Variants in OR2H1 observed in about 807,000 individuals in gnomAD.
OR2H1 encodes olfactory receptor family 2 subfamily H member 1, also known as olfactory receptor 2H1.
For synonymous variants in OR2H1, 155 were observed against 155.2 expected, an observed-to-expected ratio of 1.00 and a Z score of 0.01; for missense variants, 380 against 367.3, an observed-to-expected ratio of 1.03 and a Z score of -0.28.
intron 2 of OR2H1, among the ~76,000 whole-genome samples, chr6:29,458,987 A>T (rs750650195): frequency 1.3e-5 from 2 of 151,980 alleles, no homozygotes; most frequent in East Asian, 3.9e-4. Flanking sequence ...GTGCTTGCCT[A>T]TTATTGGTGT....
At chr6:29,457,475 A>T (rs192325931) in intron 1 of OR2H1, among the ~76,000 whole-genome samples, 233 of 152,352 alleles carry the variant, frequency 1.5e-3, no homozygotes, top group African/African-American at 5.4e-3. Context: ...TTTTATGTGA[A>T]GTTCTGGAAA....
Position 29,462,792 on chromosome 6 carries a change from C to A in OR2H1, c.*72C>A. 1 of 1,073,602 alleles carries A rather than the reference C, an allele frequency of 9.3e-7. No individual in the cohort carries two copies. The highest frequency in any genetic ancestry group is 1.4e-6 in the Non-Finnish European group (1 of 738,004). 66.5% of individuals were successfully genotyped at this position (1,073,602 alleles called of 1,614,324 possible). On this transcript the variant is annotated 3_prime_UTR_variant, in exon 4 of 4. Coordinates refer to ENST00000377133, the MANE Select transcript of OR2H1 (RefSeq NM_030883.5). Reference sequence around the variant, plus strand: ...TTAAGTTTTCCAGACTACTACCCTTCCCACATACACCTGAGCCACTGTGGT... The same window carrying A: ...TTAAGTTTTCCAGACTACTACCCTTACCACATACACCTGAGCCACTGTGGT...
At position 29,461,829 on chromosome 6, in the gene OR2H1, A is replaced by G. The variant is rs1428008746; in HGVS notation, c.60A>G (p.Ala20=). Residue 20 remains alanine (A), a synonymous_variant, in exon 4 of 4, where the codon GCA becomes GCG. Transcript: ENST00000377133. ...TTCTGGGCTTCTCTGAACACCCAGC[A>G]CTGGAAAGGACTCTCTTTGTGGTTG... ...FLLLGFSEHP[A]LERTLFVVVF... 5 of 1,613,020 alleles carry G rather than the reference A, an allele frequency of 3.1e-6. No homozygotes were observed. In the South Asian group the frequency reaches 3.3e-5, roughly 11 times the overall value.
At chr6:29,458,015 G>A (rs539628807) in intron 1 of OR2H1, among the ~76,000 whole-genome samples, 12 of 152,278 alleles carry the variant, frequency 7.9e-5, no homozygotes, top group Non-Finnish European at 1.5e-4. Context: ...TGGGAGTCTT[G>A]GGATTCCTCC....
At chr6:29,460,372 A>ATTTTTTTTTTTTTTTTT (rs10651941) in intron 2 of OR2H1, 32 bp from the exon 3 acceptor site, 1 of 81,210 alleles carries the variant, frequency 1.2e-5, no homozygotes, top group African/African-American at 5.3e-5. Flanking sequence ...CACCCCGCTA[A>ATTTTTTTTTTTTTTTTT]TTTTTTTTTT....
rs1461237543 is a variant in OR2H1 at position 29,463,948 on chromosome 6, A to G, written c.*1228A>G. On this transcript the variant is annotated 3_prime_UTR_variant, in exon 4 of 4. Transcript: ENST00000377133. ...GACCTAATCACTGCCCAAAGGCCCC[A>G]TGTTCTAATGCCATCATCTTGGTGG... is the stretch of plus-strand genomic sequence containing the variant. 3 of 166,214 alleles carry G rather than the reference A, an allele frequency of 1.8e-5. No homozygotes were observed. Among genetic ancestry groups the G allele is most frequent in the Non-Finnish European group, 4.4e-5 (3 of 68,114 alleles). The allele number at this position is 166,214 out of a possible 1,614,324, so 10.3% of individuals were successfully genotyped here.
rs577065653 is a variant in OR2H1 at position 29,462,609 on chromosome 6, T to C, written c.840T>C (p.Thr280=). ...TTGGTCTCTTCTATGCAGTGGGCAC[T>C]CCTTCACTTAACCCTCTCGTATACA... ...KFFGLFYAVG[T]PSLNPLVYTL... Residue 280 remains threonine (T), a synonymous_variant, in exon 4 of 4, where the codon ACT becomes ACC. Coordinates refer to ENST00000377133, the MANE Select transcript of OR2H1 (RefSeq NM_030883.5). 1 of 1,613,048 alleles carries C rather than the reference T, an allele frequency of 6.2e-7. No individual in the cohort carries two copies. Among genetic ancestry groups the C allele is most frequent in the East Asian group, 2.2e-5 (1 of 44,880 alleles).
At position 29,462,181 on chromosome 6, in the gene OR2H1, C is replaced by T. The variant is rs767393783; in HGVS notation, c.412C>T (p.Leu138=). 1.3e-5 allele frequency: 21 copies of T among 1,613,588 alleles called. No homozygotes were observed. The Admixed American group carries it at 1.3e-4, about 10-fold the overall frequency. Residue 138 remains leucine, a synonymous_variant, in exon 4 of 4, where the codon CTG becomes TTG. Coordinates refer to ENST00000377133, the MANE Select transcript of OR2H1 (RefSeq NM_030883.5). ...CTATGCCACCATCATCCACCCCCGC[C>T]TGTGCTGGCAGCTGGCATCTGTGGC... The part of the protein sequence containing the change: ...LHYATIIHPR[L]CWQLASVAWV...
rs1244373556 is a variant in OR2H1, at chr6:29,462,205, G to A, written c.436G>A (p.Ala146Thr). 6.2e-7 allele frequency: 1 copy of A among 1,613,534 alleles called. No individual in the cohort carries two copies. The highest frequency in any genetic ancestry group is 1.7e-5 in the Admixed American group (1 of 60,020). ...CCTGTGCTGGCAGCTGGCATCTGTG[G>A]CCTGGGTTATGAGTCTGGTTCAATC... is the stretch of plus-strand genomic sequence containing the variant. ...PRLCWQLASV[A>T]WVMSLVQSIV... Residue 146 changes from alanine to threonine, a missense_variant, in exon 4 of 4, where the codon GCC (alanine) becomes ACC (threonine). Coordinates refer to ENST00000377133, the MANE Select transcript of OR2H1 (RefSeq NM_030883.5).
In OR2H1 at chr6:29,461,552, T is replaced by C. The variant is rs759635039; in HGVS notation, c.-218T>C. On this transcript the variant is annotated 5_prime_UTR_variant, in exon 4 of 4. Transcript: ENST00000377133. ...GCTTTCCAGCACATTCTTGGTTTCC[T>C]CACTTCTGCTAGACAACGTTTGATC... 6 of 503,620 alleles carry C rather than the reference T, an allele frequency of 1.2e-5. No homozygotes were observed. Among genetic ancestry groups the C allele is most frequent in the Non-Finnish European group, 2.1e-5 (6 of 286,260 alleles). The allele number at this position is 503,620 out of a possible 1,614,324, so 31.2% of individuals were successfully genotyped here.
chr6:29,462,338 C>A lies in OR2H1; in HGVS notation c.569C>A (p.Thr190Asn). ...CTGATTCGACTCTCCTGTGGAGATA[C>A]CTCCTACAATGAAATCCAGTTGGCT... ...PSLIRLSCGD[T>N]SYNEIQLAVS... Residue 190 changes from threonine to asparagine, a missense_variant, in exon 4 of 4, where the codon ACC becomes AAC. Physicochemically the swap from Thr to Asn is moderately conservative, Grantham distance 65 (BLOSUM62 0). Transcript: ENST00000377133. 6.2e-7 allele frequency: 1 copy of A among 1,613,138 alleles called. No homozygotes were observed. The highest frequency in any genetic ancestry group is 8.5e-7 in the Non-Finnish European group (1 of 1,180,042).
At chr6:29,459,280 GAGA>G (rs1379493560) in intron 2 of OR2H1, among the ~76,000 whole-genome samples, 2 of 152,156 alleles carry the variant, frequency 1.3e-5, no homozygotes, top group South Asian at 2.1e-4. Flanking sequence ...TTCAGTGGGA[GAGA>G]AGGAGATGTG....
intron 2 of OR2H1, among the ~76,000 whole-genome samples, chr6:29,459,048 G>C (rs1786881506): frequency 6.6e-6 from 1 of 152,162 alleles, no homozygotes; most frequent in Non-Finnish European, 1.5e-5. Context: ...TGTTATTAAA[G>C]ATAGAAAATA....
Position 29,462,626 on chromosome 6 carries a change from T to A in OR2H1, c.857T>A (p.Leu286His). ...GTGGGCACTCCTTCACTTAACCCTCTCGTATACACCCTGAGGAACAAGGAG... is the reference window on the plus strand; with the variant it reads ...GTGGGCACTCCTTCACTTAACCCTCACGTATACACCCTGAGGAACAAGGAG... ...YAVGTPSLNP[L>H]VYTLRNKEIK... The change falls in exon 4 of 4, where the codon CTC becomes CAC. Residue 286 changes from leucine (L) to histidine (H), a missense_variant. Leu to His is a moderately conservative substitution (Grantham distance 99, BLOSUM62 -3). Coordinates refer to ENST00000377133, the MANE Select transcript of OR2H1 (RefSeq NM_030883.5). 1 of 1,613,000 alleles carries A rather than the reference T, an allele frequency of 6.2e-7. No homozygotes were observed. The highest frequency in any genetic ancestry group is 8.5e-7 in the Non-Finnish European group (1 of 1,180,008).
chr6:29,462,527 T>C lies in OR2H1; in HGVS notation c.758T>C (p.Val253Ala). 1 of 1,613,004 alleles carries C rather than the reference T, an allele frequency of 6.2e-7. No homozygotes were observed. The highest frequency in any genetic ancestry group is 8.5e-7 in the Non-Finnish European group (1 of 1,180,018). The change falls in exon 4 of 4, where the codon GTC (valine) becomes GCC (alanine). Residue 253 changes from valine (V) to alanine (A), a missense_variant. By Grantham distance (64) the Val-to-Ala change is moderately conservative. Coordinates refer to ENST00000377133, the MANE Select transcript of OR2H1 (RefSeq NM_030883.5). ...LTVVTLFYSS[V>A]IAVYLQPKNP... The stretch of plus-strand genomic sequence containing the variant: ...GTGGTCACCCTCTTCTACAGCTCAG[T>C]CATTGCTGTCTACCTCCAGCCCAAA...
chr6:29,459,343 C>G (rs1786929800), intron 2 of OR2H1, among the ~76,000 whole-genome samples: 1 of 152,170 alleles, frequency 6.6e-6, no homozygotes, highest in Non-Finnish European at 1.5e-5. Context: ...AATATTTGAT[C>G]TGTTCTTAAA....
intron 2 of OR2H1, 142 bp from the exon 3 acceptor site, chr6:29,460,262 A>G (rs1180816199): frequency 6.6e-6 from 1 of 151,806 alleles, no homozygotes; most frequent in Non-Finnish European, 1.5e-5. Context: ...CTGGAGTGTA[A>G]TGGCACGATC....
rs1561864812 is a variant in OR2H1 at position 29,462,877 on chromosome 6, G to A, written c.*157G>A. 3.2e-6 allele frequency: 2 copies of A among 624,866 alleles called. No homozygotes were observed. The highest frequency in any genetic ancestry group is 1.8e-5 in the African/African-American group (1 of 54,114). 38.7% of individuals were successfully genotyped at this position (624,866 alleles called of 1,614,324 possible). A position where few individuals can be genotyped will look rare whatever the true frequency, so the allele number is the denominator to read the frequency against. On this transcript the variant is annotated 3_prime_UTR_variant, in exon 4 of 4. Coordinates refer to ENST00000377133, the MANE Select transcript of OR2H1 (RefSeq NM_030883.5). ...AGAATGAGAAAGAGAGGGACAGAGA[G>A]ATAAAAGAAATTGGGTGAGAGGAGA...
rs1293210771 is a variant in OR2H1 at position 29,462,808 on chromosome 6, C to A, written c.*88C>A. 1.4e-5 allele frequency: 13 copies of A among 909,878 alleles called. No homozygotes were observed. The highest frequency in any genetic ancestry group is 3.4e-5 in the South Asian group (2 of 58,206). 56.4% of individuals were successfully genotyped at this position (909,878 alleles called of 1,614,324 possible). A position where few individuals can be genotyped will look rare whatever the true frequency, so the allele number is the denominator to read the frequency against. ...ACTACCCTTCCCACATACACCTGAG[C>A]CACTGTGGTGGGTCACAGTGTGGCT... is the stretch of plus-strand genomic sequence containing the variant. On this transcript the variant is annotated 3_prime_UTR_variant, in exon 4 of 4. Coordinates refer to ENST00000377133, the MANE Select transcript of OR2H1 (RefSeq NM_030883.5).
Sources: allele counts gnomAD v4.1 joint callset (sites outside exome capture counted in the v4.1 genomes callset), GRCh38; gene constraint gnomAD v4.1.1; transcripts MANE v1.5; gene names NCBI Gene and HGNC (gene_info 2026-07-23, HGNC 2026-07-21).